LGSN: variants seen among roughly 807,000 people sequenced by gnomAD.
LGSN encodes the protein lengsin, lens protein with glutamine synthetase domain.
LGSN carries 21 observed loss-of-function variants against 19.5 expected under a neutral mutation model. The observed-to-expected ratio is 1.07, with a 90% CI of 0.76 to 1.55. The LOEUF is 1.55. Ranked by LOEUF, LGSN falls within the 40% of genes most tolerant of loss-of-function variation. LGSN has a pLI of 0.00. For missense variants in LGSN, 673 were observed against 608.5 expected (o/e 1.11, Z -1.12); for synonymous variants, 257 against 215.6 (o/e 1.19, Z -1.68).
At chr6:63,457,643 C>T in the LGSN span, among the ~76,000 whole-genome samples, 2 of 152,096 alleles carry the variant, frequency 1.3e-5, no homozygotes, top group African/African-American at 2.4e-5. Context: ...TTTGGGAGGC[C>T]GAGGCAGGCA....
the LGSN span, among the ~76,000 whole-genome samples, chr6:63,476,836 A>G: frequency 2.0e-5 from 3 of 152,238 alleles, no homozygotes; most frequent in African/African-American, 4.8e-5. Flanking sequence ...ATTAGATCCA[A>G]TCGTCTAGGA....
chr6:63,280,381 G>A lies in LGSN; in HGVS notation c.1170C>T (p.Ser390=). 6.2e-7 allele frequency: 1 copy of A among 1,614,126 alleles called. No individual in the cohort carries two copies. The highest frequency in any genetic ancestry group is 8.5e-7 in the Non-Finnish European group (1 of 1,180,028). The change falls in exon 4 of 4, where the codon AGC becomes AGT. Residue 390 remains serine (S), a synonymous_variant. Transcript: ENST00000370657. The part of the protein sequence containing the change: ...VPTTWGYNDN[S]CIFNIKCHGE... The stretch of plus-strand genomic sequence containing the variant: ...CATGACATTTGATATTAAATATACA[G>A]CTGTTGTCATTGTATCCCCATGTTG...
chr6:63,418,625 G>A, the LGSN span, among the ~76,000 whole-genome samples: 5 of 152,038 alleles, frequency 3.3e-5, no homozygotes, highest in Non-Finnish European at 7.4e-5. Flanking sequence ...GAAAGAAGGC[G>A]GACTGGCTAG....
At chr6:63,523,442 G>T in the LGSN span, among the ~76,000 whole-genome samples, 6 of 151,994 alleles carry the variant, frequency 3.9e-5, no homozygotes, top group Admixed American at 3.3e-4. Flanking sequence ...GTTTGAACCC[G>T]GGAGGTTGCA....
the LGSN span, among the ~76,000 whole-genome samples, chr6:63,526,909 TG>T: frequency 1.3e-5 from 2 of 150,366 alleles, no homozygotes; most frequent in East Asian, 3.9e-4. Context: ...AAAGACCAAA[TG>T]TTGGATTTAT....
chr6:63,503,208 T>C, the LGSN span, among the ~76,000 whole-genome samples: 2 of 152,222 alleles, frequency 1.3e-5, no homozygotes, highest in South Asian at 4.1e-4. Flanking sequence ...GTTTACCTTG[T>C]AGCTATAAAG....
chr6:63,430,870 G>C, the LGSN span, among the ~76,000 whole-genome samples: 10 of 152,270 alleles, frequency 6.6e-5, no homozygotes, highest in Admixed American at 6.5e-4. Flanking sequence ...ACAAATGTAT[G>C]ATTAAGTTAA....
At chr6:63,361,508 C>T in the LGSN span, among the ~76,000 whole-genome samples, 7 of 152,108 alleles carry the variant, frequency 4.6e-5, no homozygotes, top group Non-Finnish European at 5.9e-5. Context: ...ATCGGAAAAG[C>T]GCAGTATTAG....
chr6:63,559,847 GAACTCC>G, the LGSN span, among the ~76,000 whole-genome samples: 1 of 152,116 alleles, frequency 6.6e-6, no homozygotes, highest in Non-Finnish European at 1.5e-5. Flanking sequence ...GGCTGGTTTC[GAACTCC>G]TGGGCTCAAA....
chr6:63,413,774 T>C, the LGSN span, among the ~76,000 whole-genome samples: 4 of 152,342 alleles, frequency 2.6e-5, no homozygotes, highest in Non-Finnish European at 4.4e-5. Context: ...TCATATTTAA[T>C]AATCTGAAAT....
the LGSN span, among the ~76,000 whole-genome samples, chr6:63,461,078 T>C: frequency 4.6e-5 from 7 of 152,180 alleles, no homozygotes; most frequent in Non-Finnish European, 1.0e-4. Flanking sequence ...TTTTGGGTTT[T>C]TTCCCCCAAG....
the LGSN span, among the ~76,000 whole-genome samples, chr6:63,502,809 A>G: frequency 6.6e-6 from 1 of 152,164 alleles, no homozygotes; most frequent in East Asian, 1.9e-4. Flanking sequence ...TAGCTTTGAA[A>G]TTTCATCCCT....
chr6:63,405,458 T>C, the LGSN span, among the ~76,000 whole-genome samples: 2 of 152,166 alleles, frequency 1.3e-5, no homozygotes, highest in Non-Finnish European at 2.9e-5. Flanking sequence ...CACATCCTCT[T>C]CAGCACCTGA....
chr6:63,436,978 A>G, the LGSN span, among the ~76,000 whole-genome samples: 1 of 148,218 alleles, frequency 6.7e-6, no homozygotes, highest in Non-Finnish European at 1.5e-5. Flanking sequence ...TGTAGGTTGC[A>G]GTGAGCCAAG....
At chr6:63,491,752 C>T in the LGSN span, among the ~76,000 whole-genome samples, 57 of 152,260 alleles carry the variant, frequency 3.7e-4, no homozygotes, top group African/African-American at 1.3e-3. Flanking sequence ...CATATGTGGC[C>T]GGGCGCGGTG....
chr6:63,345,355 G>T, the LGSN span, among the ~76,000 whole-genome samples: 10 of 151,898 alleles, frequency 6.6e-5, no homozygotes, highest in South Asian at 8.3e-4. Context: ...GCTAAGATTG[G>T]GTTCATTTGG....
At chr6:63,456,419 G>A in the LGSN span, among the ~76,000 whole-genome samples, 16 of 126,840 alleles carry the variant, frequency 1.3e-4, no homozygotes, top group African/African-American at 3.8e-4. Context: ...TGGTAGAGAC[G>A]AGGGTCTGCC....
the LGSN span, among the ~76,000 whole-genome samples, chr6:63,406,181 C>T: frequency 6.6e-6 from 1 of 152,112 alleles, no homozygotes; most frequent in South Asian, 2.1e-4. Context: ...GCAGACCTAA[C>T]AGACATCTAC....
the LGSN span, among the ~76,000 whole-genome samples, chr6:63,348,676 T>C: frequency 6.6e-6 from 1 of 151,624 alleles, no homozygotes; most frequent in Non-Finnish European, 1.5e-5. Flanking sequence ...GTAGGAGTCA[T>C]GGAGCATTAT....
Sources: gnomAD v4.1 joint callset for allele counts (sites outside exome capture counted in the v4.1 genomes callset) on GRCh38, gnomAD v4.1.1 for gene constraint, MANE v1.5 for transcripts, NCBI Gene and HGNC (gene_info 2026-07-23, HGNC 2026-07-21) for gene names.